The following IL20RA variants were observed in gnomAD, a reference collection of about 807,000 sequenced individuals.
The protein encoded by IL20RA is interleukin 20 receptor subunit alpha.
Under a neutral mutation model 36.5 loss-of-function variants are expected in IL20RA, and 29 were observed. The ratio of observed to expected loss-of-function variants is 0.79; its 90% CI spans 0.59 to 1.08. The LOEUF (loss-of-function observed/expected upper bound fraction) is 1.08. IL20RA is among the 50% of genes least tolerant of loss of function. The pLI is 0.00. For synonymous variants in IL20RA, 279 were observed against 267.1 expected, an observed-to-expected ratio of 1.04 and a Z score of -0.43; for missense variants, 652 against 668.4, an observed-to-expected ratio of 0.98 and a Z score of 0.27.
chr6:137,013,551 G>A lies in IL20RA; in HGVS notation c.225-2099C>T, dbSNP rs112919641. On this transcript the variant is annotated intron_variant, in intron 2 of 6. Transcript: ENST00000316649. ...CAGCTGAGGCTCAGGGAGATTAAGG[G>A]ATCCACTCAAATTCACATGACTAGT... 1.7e-3 allele frequency among the ~76,000 whole-genome samples: 262 copies of A among 152,274 alleles called. 1 individual carries two copies. Among genetic ancestry groups the A allele is most frequent in the Non-Finnish European group, 2.9e-3 (195 of 68,022 alleles).
chr6:137,009,594 C>T, intron 3 of IL20RA, 102 bp from the exon 4 acceptor site: 3 of 386,964 alleles, frequency 7.8e-6, no homozygotes, highest in African/African-American at 5.0e-5. Context: ...AAAAGACATC[C>T]TTTTTTTTTT....
intron 5 of IL20RA, 141 bp from the exon 6 acceptor site, chr6:137,004,901 C>T (rs1250223431): frequency 2.1e-5 from 15 of 728,394 alleles, no homozygotes; most frequent in South Asian, 1.7e-4. Flanking sequence ...CTCACCTCTA[C>T]GTTGAGAAGC....
chr6:137,024,470 A>G (rs1326941252), intron 1 of IL20RA, among the ~76,000 whole-genome samples: 2 of 152,210 alleles, frequency 1.3e-5, no homozygotes, highest in Non-Finnish European at 2.9e-5. Context: ...GATATTTGAG[A>G]TTTCACATCC....
At chr6:137,012,547 G>A (rs1775536388) in intron 2 of IL20RA, among the ~76,000 whole-genome samples, 1 of 152,098 alleles carries the variant, frequency 6.6e-6, no homozygotes, top group South Asian at 2.1e-4. Flanking sequence ...AGTGGGCAAT[G>A]GGTCTCAGGA....
intron 2 of IL20RA, among the ~76,000 whole-genome samples, chr6:137,014,493 T>C (rs1211669393): frequency 3.3e-5 from 5 of 152,144 alleles, no homozygotes; most frequent in African/African-American, 4.8e-5. Context: ...TGAACTTTGA[T>C]AGAAAAAAGA....
chr6:137,023,939 C>T (rs1266296296), intron 1 of IL20RA, among the ~76,000 whole-genome samples: 2 of 151,952 alleles, frequency 1.3e-5, no homozygotes, highest in African/African-American at 4.8e-5. Flanking sequence ...ACTAAAAATA[C>T]AAAAATTAGC....
chr6:137,011,280 A>T lies in IL20RA; in HGVS notation c.397T>A (p.Leu133Ile). 6.2e-7 allele frequency: 1 copy of T among 1,601,846 alleles called. No individual in the cohort carries two copies. Among genetic ancestry groups the T allele is most frequent in the Non-Finnish European group, 8.5e-7 (1 of 1,174,422 alleles). Residue 133 changes from leucine to isoleucine, a missense_variant, in exon 3 of 7, where the codon TTA becomes ATA. By Grantham distance (5) the Leu-to-Ile change is conservative. Transcript: ENST00000316649. Reference protein sequence around the residue: ...WAESGRFYPFLETQIGPPEVA... With the variant: ...WAESGRFYPFIETQIGPPEVA... The stretch of plus-strand genomic sequence containing the variant: ...CAATAATGGCATTACTTACTTTCTA[A>T]AAAAGGATAGAACCGTCCACTTTCA...
At chr6:137,039,279 G>C (rs915994373) in intron 1 of IL20RA, among the ~76,000 whole-genome samples, 2 of 152,196 alleles carry the variant, frequency 1.3e-5, no homozygotes, top group Non-Finnish European at 2.9e-5. Flanking sequence ...ACATTGTGAG[G>C]AGTGAGGCTG....
chr6:137,006,369 C>T (rs1775280505), intron 5 of IL20RA, among the ~76,000 whole-genome samples: 1 of 152,296 alleles, frequency 6.6e-6, no homozygotes, highest in Non-Finnish European at 1.5e-5. Flanking sequence ...GGTGTCAGAA[C>T]ACCACCTGCC....
At chr6:137,026,791 C>T (rs558815754) in intron 1 of IL20RA, among the ~76,000 whole-genome samples, 2 of 152,328 alleles carry the variant, frequency 1.3e-5, no homozygotes, top group African/African-American at 2.4e-5. Flanking sequence ...ATGTTTTCTT[C>T]TGTCCCAAGT....
chr6:137,042,329 G>C (rs1776725577), intron 1 of IL20RA, among the ~76,000 whole-genome samples: 1 of 152,184 alleles, frequency 6.6e-6, no homozygotes, highest in African/African-American at 2.4e-5. Context: ...ATGATTCCAG[G>C]AACAGTAGAA....
At chr6:137,032,425 C>T (rs895286232) in intron 1 of IL20RA, among the ~76,000 whole-genome samples, 4 of 152,306 alleles carry the variant, frequency 2.6e-5, no homozygotes, top group East Asian at 1.9e-4. Context: ...GATGAGAAAA[C>T]CAAAGCCCAT....
intron 1 of IL20RA, among the ~76,000 whole-genome samples, chr6:137,018,389 T>C (rs1775776200): frequency 6.6e-6 from 1 of 152,168 alleles, no homozygotes; most frequent in Admixed American, 6.5e-5. Flanking sequence ...GATGGCTGAG[T>C]GTAGGTATGC....
chr6:137,014,785 A>G lies in IL20RA; in HGVS notation c.224+2183T>C, dbSNP rs374459219. On this transcript the variant is annotated intron_variant, in intron 2 of 6. Coordinates refer to ENST00000316649, the MANE Select transcript of IL20RA (RefSeq NM_014432.4). ...TATAATTACATTTCCATCACTATTT[A>G]GTCTTAGTTCTACACTGAGATGAAT... 1.2e-4 allele frequency among the ~76,000 whole-genome samples: 18 copies of G among 151,956 alleles called. No homozygotes were observed. In the East Asian group the frequency reaches 1.4e-3, roughly 11 times the overall value.
rs185366641 is a variant in IL20RA, at chr6:137,000,984, T to C, written c.*574A>G. The C allele has an allele frequency of 6.6e-6, 1 of 152,330 alleles. No individual in the cohort carries two copies. The highest frequency in any genetic ancestry group is 6.5e-5 in the Admixed American group (1 of 15,306). The allele number at this position is 152,330 out of a possible 1,614,324, so 9.4% of individuals were successfully genotyped here. A position where few individuals can be genotyped will look rare whatever the true frequency, so the allele number is the denominator to read the frequency against. ...TTAAAGTAGCCAAGAGTGTGTGATA[T>C]CATGAAGGTCTGTGCCTGATGTATT... On this transcript the variant is annotated 3_prime_UTR_variant, in exon 7 of 7. Coordinates refer to ENST00000316649, the MANE Select transcript of IL20RA (RefSeq NM_014432.4).
chr6:137,027,173 C>T (rs960685308), intron 1 of IL20RA, among the ~76,000 whole-genome samples: 5 of 152,066 alleles, frequency 3.3e-5, no homozygotes, highest in South Asian at 4.1e-4. Flanking sequence ...TGAGCCACCA[C>T]GCCTGGCTGA....
In IL20RA at chr6:137,008,717, C is replaced by A. The variant is rs9483975; in HGVS notation, c.606G>T (p.Thr202=). Residue 202 remains threonine, a synonymous_variant, in exon 5 of 7, where the codon ACG becomes ACT. Coordinates refer to ENST00000316649, the MANE Select transcript of IL20RA (RefSeq NM_014432.4). ...TCGGCTCCAGCCAGGTGAGCACCAG[C>A]GTGTGGTTGGTCACACACTGGGACC... ...RTWSQCVTNH[T]LVLTWLEPNT... The A allele has an allele frequency of 4.4e-6, 7 of 1,604,140 alleles. No homozygotes were observed. Among genetic ancestry groups the A allele is most frequent in the Non-Finnish European group, 6.0e-6 (7 of 1,175,410 alleles).
chr6:137,032,576 T>C (rs1486042911), intron 1 of IL20RA, among the ~76,000 whole-genome samples: 1 of 152,188 alleles, frequency 6.6e-6, no homozygotes, highest in African/African-American at 2.4e-5. Flanking sequence ...GGTGGAAGCA[T>C]TTGTGTACAG....
rs746337540 is a variant in IL20RA, at chr6:137,008,548, T to C, written c.724+51A>G. The C allele has an allele frequency of 1.3e-5, 19 of 1,514,280 alleles. No homozygotes were observed. The South Asian group carries it at 2.3e-4, about 18-fold the overall frequency. 93.8% of individuals were successfully genotyped at this position (1,514,280 alleles called of 1,614,324 possible). ...TTGTCTAAACCATCATACCGACTTCTAGTTTTAGCAGATCTCCTTCCTAGA... is the reference window on the plus strand; with the variant it reads ...TTGTCTAAACCATCATACCGACTTCCAGTTTTAGCAGATCTCCTTCCTAGA... On this transcript the variant is annotated intron_variant, in intron 5 of 6. Transcript: ENST00000316649.
Sources: allele counts gnomAD v4.1 joint callset (sites outside exome capture counted in the v4.1 genomes callset), GRCh38; gene constraint gnomAD v4.1.1; transcripts MANE v1.5; gene names NCBI Gene and HGNC (gene_info 2026-07-23, HGNC 2026-07-21).